Variants in NFIB observed in about 807,000 individuals in gnomAD.
NFIB encodes nuclear factor I B.
Under a neutral mutation model 61.5 loss-of-function variants are expected in NFIB, and 11 were observed. The ratio of observed to expected loss-of-function variants is 0.18; its 90% CI spans 0.11 to 0.30. NFIB has a LOEUF of 0.30. Among genes scored for constraint, NFIB ranks in the 10% least tolerant of loss-of-function variants. The pLI is 1.00. For missense variants in NFIB, 471 were observed against 608.9 expected, an observed-to-expected ratio of 0.77 and a Z score of 2.38; for synonymous variants, 260 against 216.5, an observed-to-expected ratio of 1.20 and a Z score of -1.76.
chr9:14,519,263 G>C, the NFIB span, among the ~76,000 whole-genome samples: 8 of 152,282 alleles, frequency 5.3e-5, no homozygotes, highest in Admixed American at 2.0e-4. Flanking sequence ...TTGAGTGCCA[G>C]GAAGAGAAGT....
the NFIB span, among the ~76,000 whole-genome samples, chr9:14,422,972 T>C: frequency 2.0e-5 from 3 of 152,238 alleles, no homozygotes; most frequent in Non-Finnish European, 4.4e-5. Context: ...AGCCTTGATA[T>C]GGGCAGCTTT....
the NFIB span, among the ~76,000 whole-genome samples, chr9:14,436,501 G>A: frequency 3.3e-5 from 5 of 152,314 alleles, no homozygotes; most frequent in South Asian, 1.0e-3. Flanking sequence ...GACTCTGAAA[G>A]GTTCTTGCCT....
intron 2 of NFIB, among the ~76,000 whole-genome samples, chr9:14,224,442 T>C (rs1210281926): frequency 3.9e-5 from 6 of 152,214 alleles, no homozygotes; most frequent in Non-Finnish European, 8.8e-5. Flanking sequence ...CCTATCTTAG[T>C]CTCTTCCAGA....
the NFIB span, among the ~76,000 whole-genome samples, chr9:14,497,365 ATTT>A: frequency 6.6e-6 from 1 of 152,158 alleles, no homozygotes; most frequent in Non-Finnish European, 1.5e-5. Context: ...TGTTCAAATC[ATTT>A]TGTCCAAGGC....
chr9:14,361,284 CT>C (rs1440581823), intron 1 of NFIB: 1 of 147,900 alleles, frequency 6.8e-6, no homozygotes, highest in African/African-American at 2.5e-5. Context: ...AAAAAAAAGA[CT>C]TTTGAGGATT....
chr9:14,120,750 C>G lies in NFIB; in HGVS notation c.1061-126G>C. 2 of 913,274 alleles carry G rather than the reference C, an allele frequency of 2.2e-6. No homozygotes were observed. Among genetic ancestry groups the G allele is most frequent in the Non-Finnish European group, 3.2e-6 (2 of 618,830 alleles). 56.6% of individuals were successfully genotyped at this position (913,274 alleles called of 1,614,324 possible). The stretch of plus-strand genomic sequence containing the variant: ...TTCATTTTTGTCCCCATGATTTAAC[C>G]AAGCTCTCCTAAATCAACAGTTACT... On this transcript the variant is annotated intron_variant, in intron 7 of 10. Transcript: ENST00000380953. This position sits in a 1 kb window ranked among gnomAD's most constrained non-coding sequence, Gnocchi z 4.4.
intron 1 of NFIB, among the ~76,000 whole-genome samples, chr9:14,363,383 T>C (rs1206887398): frequency 6.6e-6 from 1 of 152,134 alleles, no homozygotes; most frequent in Non-Finnish European, 1.5e-5. Context: ...CAATGGCTTA[T>C]AGAATCTAGA....
At chr9:14,480,309 T>C in the NFIB span, among the ~76,000 whole-genome samples, 6 of 152,266 alleles carry the variant, frequency 3.9e-5, no homozygotes, top group South Asian at 1.2e-3. Context: ...CCTGAGCTTT[T>C]TAGCTGTACC....
chr9:14,494,947 T>A, the NFIB span, among the ~76,000 whole-genome samples: 1 of 152,236 alleles, frequency 6.6e-6, no homozygotes, highest in Non-Finnish European at 1.5e-5. Flanking sequence ...TTTAGTTTTC[T>A]GTTTTCAAAT....
rs1587081991 is a variant in NFIB, at chr9:14,153,084, T to G, written c.685+2741A>C. Among the ~76,000 whole-genome samples, 3 of 152,242 alleles carry G rather than the reference T, an allele frequency of 2.0e-5. No homozygotes were observed. The East Asian group carries it at 5.8e-4, about 29-fold the overall frequency. ...TGTTTGAGATGACAGATATCCTAAA[T>G]AGCCTGATTTAATCATTATACACTG... On this transcript the variant is annotated intron_variant, in intron 4 of 10. Transcript: ENST00000380953.
At chr9:14,123,483 A>C (rs1468938722) in intron 7 of NFIB, among the ~76,000 whole-genome samples, 1 of 152,154 alleles carries the variant, frequency 6.6e-6, no homozygotes, top group Non-Finnish European at 1.5e-5. Flanking sequence ...TCTCCGCTAA[A>C]ATTATTTCAG....
At chr9:14,495,358 C>T in the NFIB span, among the ~76,000 whole-genome samples, 6 of 151,252 alleles carry the variant, frequency 4.0e-5, no homozygotes, top group African/African-American at 7.3e-5. Context: ...AACATATCTA[C>T]GGGGATTTCA....
intron 1 of NFIB, among the ~76,000 whole-genome samples, chr9:14,344,029 TG>T (rs1394363986): frequency 4.0e-5 from 6 of 149,342 alleles, no homozygotes; most frequent in African/African-American, 1.5e-4. Flanking sequence ...GCTACAGAAA[TG>T]GCCTAGCAAA....
In NFIB at chr9:14,150,336, G is replaced by A. The variant is rs1587055331; in HGVS notation, c.686-71C>T. ...TGACCTCTATTCAAATGTAATAATC[G>A]AGAATCTTTCATGCCTCTGGTCAAA... is the stretch of plus-strand genomic sequence containing the variant. On this transcript the variant is annotated intron_variant, in intron 4 of 10. Transcript: ENST00000380953. 21 of 1,600,536 alleles carry A rather than the reference G, an allele frequency of 1.3e-5. No individual in the cohort carries two copies. In the South Asian group the frequency reaches 1.5e-4, roughly 11 times the overall value.
At chr9:14,175,711 A>G (rs537101866) in intron 3 of NFIB, among the ~76,000 whole-genome samples, 3 of 152,336 alleles carry the variant, frequency 2.0e-5, no homozygotes, top group South Asian at 4.1e-4. Flanking sequence ...TACAAAAAGG[A>G]AAGTAGCATG....
rs141081982 is a variant in NFIB, at chr9:14,243,538, C to G, written c.562+63451G>C. On this transcript the variant is annotated intron_variant, in intron 2 of 10. Transcript: ENST00000380953. ...ATTGTGTTTCATGAGGGAAGACAAA[C>G]TGGAAATAAATGAGTTTTCAAGTCC... is the stretch of plus-strand genomic sequence containing the variant. Among the ~76,000 whole-genome samples, 1,440 of 151,956 alleles carry G rather than the reference C, an allele frequency of 9.5e-3. 31 individuals are homozygous for G. Among genetic ancestry groups the G allele is most frequent in the African/African-American group, 0.032 (1,340 of 41,432 alleles).
At chr9:14,459,594 G>A in the NFIB span, among the ~76,000 whole-genome samples, 2 of 151,806 alleles carry the variant, frequency 1.3e-5, no homozygotes, top group Non-Finnish European at 2.9e-5. Context: ...TACAGAATGG[G>A]AGAAAATTTT....
At chr9:14,476,244 T>A in the NFIB span, among the ~76,000 whole-genome samples, 1 of 151,884 alleles carries the variant, frequency 6.6e-6, no homozygotes, top group African/African-American at 2.4e-5. Context: ...TCTAAGCTTT[T>A]TGTTTTTTTT....
chr9:14,400,751 C>T (rs1424992032), upstream of NFIB, among the ~76,000 whole-genome samples: 1 of 152,176 alleles, frequency 6.6e-6, no homozygotes, highest in African/African-American at 2.4e-5. Context: ...CCTCCTCGTT[C>T]ATTATTGAGA....
Sources: allele counts gnomAD v4.1 joint callset (sites outside exome capture counted in the v4.1 genomes callset), GRCh38; gene constraint gnomAD v4.1.1; non-coding constraint Gnocchi (gnomAD v3.1); transcripts MANE v1.5; gene names NCBI Gene and HGNC (gene_info 2026-07-23, HGNC 2026-07-21).